The following DPP10 variants were observed in gnomAD, a reference collection of about 807,000 sequenced individuals.
DPP10 encodes dipeptidyl peptidase like 10.
Under a neutral mutation model 120.9 loss-of-function variants are expected in DPP10, and 33 were observed. The observed-to-expected ratio is 0.27, with a 90% CI of 0.21 to 0.37. The LOEUF is 0.37. Among genes scored for constraint, DPP10 ranks in the 10% least tolerant of loss-of-function variants. DPP10 has a pLI of 1.00. For synonymous variants in DPP10, 337 were observed against 326.1 expected, an observed-to-expected ratio of 1.03 and a Z score of -0.36; for missense variants, 816 against 942.8, an observed-to-expected ratio of 0.87 and a Z score of 1.76.
At chr2:114,717,199 G>A (rs940427050) in intron 1 of DPP10, among the ~76,000 whole-genome samples, 14 of 152,178 alleles carry the variant, frequency 9.2e-5, no homozygotes, top group Non-Finnish European at 1.9e-4. Flanking sequence ...AAAGGTGACT[G>A]CATATGGAGA....
intron 5 of DPP10, among the ~76,000 whole-genome samples, chr2:115,631,923 A>C (rs1437215343): frequency 6.6e-6 from 1 of 152,188 alleles, no homozygotes; most frequent in Non-Finnish European, 1.5e-5. Flanking sequence ...GGTATCTATC[A>C]GGTACACTTG....
intron 1 of DPP10, among the ~76,000 whole-genome samples, chr2:114,528,230 G>T (rs1296747326): frequency 6.6e-6 from 1 of 152,166 alleles, no homozygotes; most frequent in African/African-American, 2.4e-5. Context: ...GGATCAGTCT[G>T]AGTGCCACTG....
At chr2:115,526,074 T>G (rs2148898251) in intron 5 of DPP10, 102 bp downstream of exon 5, 1 of 868,520 alleles carries the variant, frequency 1.2e-6, no homozygotes, top group African/African-American at 1.7e-5. Context: ...AAATCTGGCA[T>G]GTCTAGTAAC....
chr2:115,175,121 A>G (rs1443525802), intron 1 of DPP10, among the ~76,000 whole-genome samples: 1 of 152,208 alleles, frequency 6.6e-6, no homozygotes, highest in Non-Finnish European at 1.5e-5. Context: ...AAGAGAGATT[A>G]ACTACCAACA....
intron 5 of DPP10, among the ~76,000 whole-genome samples, chr2:115,628,437 A>C (rs2085547902): frequency 6.6e-6 from 1 of 152,034 alleles, no homozygotes; most frequent in Non-Finnish European, 1.5e-5. Flanking sequence ...CAGATGGATA[A>C]ATTGGAAAAA....
chr2:115,183,341 C>T (rs1024774601), intron 1 of DPP10, among the ~76,000 whole-genome samples: 5 of 152,104 alleles, frequency 3.3e-5, no homozygotes, highest in African/African-American at 7.2e-5. Flanking sequence ...AATAAAGCCA[C>T]GTGTGCATTT....
chr2:115,823,993 G>A (rs1044112322), intron 21 of DPP10, among the ~76,000 whole-genome samples: 3 of 151,992 alleles, frequency 2.0e-5, no homozygotes, highest in African/African-American at 4.8e-5. Flanking sequence ...GAATTTCCAG[G>A]TTCTGCTTTT....
At chr2:114,702,350 G>T (rs1243111204) in intron 1 of DPP10, among the ~76,000 whole-genome samples, 1 of 151,836 alleles carries the variant, frequency 6.6e-6, no homozygotes, top group African/African-American at 2.4e-5. Flanking sequence ...CCCTTTAGGT[G>T]GATGAAATGG....
chr2:115,233,105 C>T (rs555376915), intron 1 of DPP10, among the ~76,000 whole-genome samples: 8 of 134,382 alleles, frequency 6.0e-5, no homozygotes, highest in African/African-American at 2.3e-4. Context: ...TTAGTGACCA[C>T]CATGTCATAT....
chr2:115,074,703 T>C (rs1014950365), intron 1 of DPP10, among the ~76,000 whole-genome samples: 6 of 152,168 alleles, frequency 3.9e-5, no homozygotes, highest in African/African-American at 1.4e-4. Flanking sequence ...AAAGAGATGA[T>C]GACACCCTGG....
chr2:115,016,974 G>A (rs1378924884), intron 1 of DPP10, among the ~76,000 whole-genome samples: 41 of 148,402 alleles, frequency 2.8e-4, no homozygotes, highest in Non-Finnish European at 4.3e-4. Flanking sequence ...ACCAAACACC[G>A]CATGTTCTCA....
At chr2:115,740,599 A>G (rs1677132556) in intron 9 of DPP10, among the ~76,000 whole-genome samples, 1 of 152,102 alleles carries the variant, frequency 6.6e-6, no homozygotes, top group African/African-American at 2.4e-5. Context: ...AGACAGATGG[A>G]ATTTTTCATC....
At chr2:114,987,167 A>AT (rs1700455951) in intron 1 of DPP10, among the ~76,000 whole-genome samples, 2 of 152,280 alleles carry the variant, frequency 1.3e-5, no homozygotes, top group South Asian at 4.1e-4. Context: ...TATATCAGTG[A>AT]TTTTTAAGGC....
intron 1 of DPP10, among the ~76,000 whole-genome samples, chr2:114,971,654 G>A (rs2104791016): frequency 6.6e-6 from 1 of 152,222 alleles, no homozygotes; most frequent in East Asian, 1.9e-4. Flanking sequence ...ACAAAATGGA[G>A]AGAAAGATGC....
At chr2:115,167,798 AT>A (rs1467956540) in intron 1 of DPP10, among the ~76,000 whole-genome samples, 3 of 152,188 alleles carry the variant, frequency 2.0e-5, no homozygotes, top group Non-Finnish European at 2.9e-5. Flanking sequence ...ATTTCAAAAT[AT>A]TCTGTTACAT....
chr2:114,713,089 C>T (rs971654824), intron 1 of DPP10, among the ~76,000 whole-genome samples: 3 of 149,844 alleles, frequency 2.0e-5, no homozygotes, highest in Admixed American at 6.8e-5. Flanking sequence ...TGGGTTCAAG[C>T]GATTCTCCTG....
At chr2:114,648,535 A>G (rs1202736069) in intron 1 of DPP10, among the ~76,000 whole-genome samples, 1 of 152,182 alleles carries the variant, frequency 6.6e-6, no homozygotes, top group Non-Finnish European at 1.5e-5. Context: ...CTGTGGTCAC[A>G]AGGAAATAGA....
At chr2:114,838,243 T>C (rs1687890698) in intron 1 of DPP10, among the ~76,000 whole-genome samples, 1 of 152,230 alleles carries the variant, frequency 6.6e-6, no homozygotes, top group South Asian at 2.1e-4. Flanking sequence ...TGGTGAGAAC[T>C]AATAGCATAT....
At chr2:115,048,134 C>T (rs1573425368) in intron 1 of DPP10, among the ~76,000 whole-genome samples, 1 of 152,246 alleles carries the variant, frequency 6.6e-6, no homozygotes, top group African/African-American at 2.4e-5. Context: ...TACAGTGCCA[C>T]GGTCAACAGC....
Sources: gnomAD v4.1 joint callset for allele counts (sites outside exome capture counted in the v4.1 genomes callset) on GRCh38, gnomAD v4.1.1 for gene constraint, MANE v1.5 for transcripts, NCBI Gene and HGNC (gene_info 2026-07-23, HGNC 2026-07-21) for gene names.